Variants in AGTPBP1 observed in about 807,000 individuals in gnomAD.
AGTPBP1 encodes ATP/GTP binding carboxypeptidase 1.
Under a neutral mutation model 143.9 loss-of-function variants are expected in AGTPBP1, and 70 were observed. The ratio of observed to expected loss-of-function variants is 0.49; its 90% CI spans 0.40 to 0.59. The LOEUF is 0.59. Ranked by LOEUF, AGTPBP1 falls within the 20% of genes least tolerant of loss-of-function variation. The pLI, the probability that AGTPBP1 is intolerant of heterozygous loss-of-function variation, is 0.00. For missense variants in AGTPBP1, 1,229 were observed against 1,464.5 expected (o/e 0.84, Z 2.62); for synonymous variants, 463 against 500.2 (o/e 0.93, Z 0.99).
At chr9:85,747,564 T>G in the AGTPBP1 span, among the ~76,000 whole-genome samples, 1 of 152,192 alleles carries the variant, frequency 6.6e-6, no homozygotes, top group African/African-American at 2.4e-5. Context: ...ATGTCATAAT[T>G]TTTAGTGTAC....
intron 25 of AGTPBP1, among the ~76,000 whole-genome samples, chr9:85,553,689 G>GA (rs1291646028): frequency 2.0e-5 from 3 of 152,174 alleles, no homozygotes; most frequent in Admixed American, 2.0e-4. Flanking sequence ...TACACATAAT[G>GA]AAAGTGTTAA....
intron 3 of AGTPBP1, among the ~76,000 whole-genome samples, chr9:85,691,755 T>C (rs1300807256): frequency 6.6e-6 from 1 of 152,156 alleles, no homozygotes; most frequent in East Asian, 1.9e-4. Context: ...TCCCTAAAGT[T>C]TTATTTGAGC....
chr9:85,632,607 G>T, intron 14 of AGTPBP1, 55 bp downstream of exon 14: 1 of 1,420,032 alleles, frequency 7.0e-7, no homozygotes, highest in Non-Finnish European at 9.5e-7. Flanking sequence ...TTTTAAGACT[G>T]CCTCATATCT....
At chr9:85,624,010 T>C (rs190623417) in intron 14 of AGTPBP1, among the ~76,000 whole-genome samples, 7 of 152,322 alleles carry the variant, frequency 4.6e-5, no homozygotes, top group Admixed American at 2.0e-4. Context: ...AGAAAATATA[T>C]AGCCTATTCA....
intron 2 of AGTPBP1, among the ~76,000 whole-genome samples, chr9:85,699,415 T>C (rs1836500892): frequency 6.6e-6 from 1 of 152,214 alleles, no homozygotes; most frequent in Non-Finnish European, 1.5e-5. Flanking sequence ...TGCTTGAATA[T>C]GGCAAAAGTC....
At chr9:85,639,607 C>T (rs999178308) in intron 13 of AGTPBP1, among the ~76,000 whole-genome samples, 1 of 152,150 alleles carries the variant, frequency 6.6e-6, no homozygotes, top group Admixed American at 6.5e-5. Context: ...AACTATTTGA[C>T]ACTTTAAACT....
At chr9:85,669,388 G>C in intron 8 of AGTPBP1, 97 bp downstream of exon 8, 1 of 565,030 alleles carries the variant, frequency 1.8e-6, no homozygotes, top group East Asian at 3.1e-5. Context: ...TAACCCTGGA[G>C]ACAATTTAAT....
At chr9:85,592,452 A>G (rs1829030170) in intron 19 of AGTPBP1, 108 bp downstream of exon 19, 1 of 741,654 alleles carries the variant, frequency 1.3e-6, no homozygotes, top group Non-Finnish European at 2.0e-6. Flanking sequence ...ATATTTAACT[A>G]AACTCAATTA....
At chr9:85,773,047 C>T in the AGTPBP1 span, among the ~76,000 whole-genome samples, 1 of 151,820 alleles carries the variant, frequency 6.6e-6, no homozygotes, top group Non-Finnish European at 1.5e-5. Flanking sequence ...GGGCAGATCA[C>T]GAGGTCAGGA....
At position 85,733,893 on chromosome 9, in the gene AGTPBP1, G is replaced by C. The variant is rs1413997037; in HGVS notation, c.-34+7882C>G. Among the ~76,000 whole-genome samples the C allele has an allele frequency of 2.0e-5, 3 of 152,136 alleles. No individual in the cohort carries two copies. The South Asian group carries it at 6.2e-4, about 31-fold the overall frequency. On this transcript the variant is annotated intron_variant, in intron 1 of 25. Transcript: ENST00000357081. ...TAGAAACACAAAACCTACCAAGCCT[G>C]AACCACAAAGGAATAGAAAATCTAA...
chr9:85,644,720 A>C (rs1832708291), intron 12 of AGTPBP1, among the ~76,000 whole-genome samples: 1 of 152,138 alleles, frequency 6.6e-6, no homozygotes, highest in Admixed American at 6.5e-5. Flanking sequence ...AAATGCTCCA[A>C]ACTCTGAAAA....
chr9:85,755,123 A>G, the AGTPBP1 span, among the ~76,000 whole-genome samples: 1 of 152,164 alleles, frequency 6.6e-6, no homozygotes, highest in Non-Finnish European at 1.5e-5. Flanking sequence ...AGACCGAATA[A>G]CTATGCATCT....
chr9:85,692,029 C>T (rs1203777119), intron 3 of AGTPBP1, among the ~76,000 whole-genome samples: 1 of 152,104 alleles, frequency 6.6e-6, no homozygotes, highest in African/African-American at 2.4e-5. Context: ...AGGTACCCAA[C>T]CACTAAATAG....
In AGTPBP1 at chr9:85,657,435, T is replaced by C. The variant is rs762528261; in HGVS notation, c.909A>G (p.Gln303=). 6 of 1,606,750 alleles carry C rather than the reference T, an allele frequency of 3.7e-6. No homozygotes were observed. The South Asian group carries it at 6.7e-5, about 18-fold the overall frequency. The stretch of plus-strand genomic sequence containing the variant: ...CAATAATAAGAAGAAAATAACTCAC[T>C]TGCGAAGTATTATACAGAATTTTCA... ...NGMKILYNTS[Q]ECLAVRTLDP... Residue 303 remains glutamine, a splice_region_variant and synonymous_variant, in exon 10 of 26, where the codon CAA becomes CAG. Transcript: ENST00000357081.
chr9:85,796,298 G>A, the AGTPBP1 span, among the ~76,000 whole-genome samples: 1 of 152,194 alleles, frequency 6.6e-6, no homozygotes, highest in African/African-American at 2.4e-5. Flanking sequence ...CTATGAGTGA[G>A]GGGTTGAATT....
intron 2 of AGTPBP1, among the ~76,000 whole-genome samples, chr9:85,711,698 C>T (rs1279821515): frequency 6.6e-6 from 1 of 152,072 alleles, no homozygotes; most frequent in Non-Finnish European, 1.5e-5. Context: ...CCTCGACCTC[C>T]CAAAGTGCTG....
chr9:85,597,814 G>A (rs957295638), intron 17 of AGTPBP1, among the ~76,000 whole-genome samples: 9 of 151,884 alleles, frequency 5.9e-5, no homozygotes, highest in East Asian at 1.9e-4. Context: ...GTTTCCTATC[G>A]TTGAACTATC....
At chr9:85,764,479 G>A in the AGTPBP1 span, among the ~76,000 whole-genome samples, 1 of 152,102 alleles carries the variant, frequency 6.6e-6, no homozygotes. Context: ...GCAGTGAGCT[G>A]AGGTTGCACC....
chr9:85,657,689 A>G, intron 9 of AGTPBP1, 46 bp from the exon 10 acceptor site: 1 of 1,401,802 alleles, frequency 7.1e-7, no homozygotes, highest in Non-Finnish European at 9.9e-7. Context: ...AAATGACGAG[A>G]GTGAGTGGTA....
Sources: allele counts gnomAD v4.1 joint callset (sites outside exome capture counted in the v4.1 genomes callset), GRCh38; gene constraint gnomAD v4.1.1; transcripts MANE v1.5; gene names NCBI Gene and HGNC (gene_info 2026-07-23, HGNC 2026-07-21).